The following ARFGAP3 variants were observed in gnomAD, a reference collection of about 807,000 sequenced individuals.
ARFGAP3 encodes the protein ADP-ribosylation factor GTPase-activating protein 3.
ARFGAP3 carries 72 observed loss-of-function variants against 75.0 expected under a neutral mutation model. The ratio of observed to expected loss-of-function variants is 0.96; its 90% confidence interval spans 0.79 to 1.17. The LOEUF (loss-of-function observed/expected upper bound fraction) is 1.17, where lower values mean the gene tolerates loss of function less well. Among genes scored for constraint, ARFGAP3 ranks in the 50% most tolerant of loss-of-function variants. The probability of loss-of-function intolerance (pLI) is 0.00; values close to 1 mark genes in which losing one functional copy is unlikely to be tolerated. For synonymous variants in ARFGAP3, 221 were observed against 217.9 expected, an observed-to-expected ratio of 1.01 and a Z score of -0.13; for missense variants, 620 against 626.6, an observed-to-expected ratio of 0.99 and a Z score of 0.11.
At chr22:42,827,149 T>C in intron 6 of ARFGAP3, 150 bp from the exon 7 acceptor site, 1 of 1,282,642 alleles carries the variant, frequency 7.8e-7, no homozygotes, top group Non-Finnish European at 1.0e-6. Context: ...TATTTTAACG[T>C]TATAAGAATT....
At chr22:42,808,926 T>C in intron 12 of ARFGAP3, 36 bp from the exon 13 acceptor site, 1 of 1,543,402 alleles carries the variant, frequency 6.5e-7, no homozygotes, top group Non-Finnish European at 8.8e-7. Context: ...GTTAAACTAA[T>C]TTGAGGTGAA....
chr22:42,807,875 A>G (rs1016473875), intron 13 of ARFGAP3, among the ~76,000 whole-genome samples: 2 of 150,238 alleles, frequency 1.3e-5, no homozygotes, highest in Admixed American at 6.6e-5. Context: ...CCTCCCAAGT[A>G]GCTGGACTAG....
At chr22:42,838,379 C>G (rs967706378) in intron 3 of ARFGAP3, among the ~76,000 whole-genome samples, 1 of 148,768 alleles carries the variant, frequency 6.7e-6, no homozygotes, top group Non-Finnish European at 1.5e-5. Flanking sequence ...CTCAGTGCAG[C>G]CTTGAACTCC....
chr22:42,837,653 T>C (rs1926582396), intron 3 of ARFGAP3, among the ~76,000 whole-genome samples: 1 of 137,112 alleles, frequency 7.3e-6, no homozygotes, highest in African/African-American at 2.7e-5. Flanking sequence ...AAAAAAAGCC[T>C]TGAAACATCT....
chr22:42,852,449 T>A (rs951610430), intron 1 of ARFGAP3, among the ~76,000 whole-genome samples: 2 of 152,138 alleles, frequency 1.3e-5, no homozygotes, highest in Non-Finnish European at 2.9e-5. Context: ...AACCTCCGCC[T>A]CCTGGGTTCA....
In ARFGAP3 at chr22:42,850,571, C is replaced by CAAA. The variant is rs57841993; in HGVS notation, c.70-2942_70-2940dup. On this transcript the variant is annotated intron_variant, in intron 1 of 15. Coordinates refer to ENST00000263245, the MANE Select transcript of ARFGAP3 (RefSeq NM_014570.5). Reference sequence around the variant, plus strand: ...CTCAGCAACAGTGAGACCCTGCTATCAAAAAAAAAAAAAAAAAAAAAAAAA... The same window carrying CAAA: ...CTCAGCAACAGTGAGACCCTGCTATCAAAAAAAAAAAAAAAAAAAAAAAAAAAA... Among the ~76,000 whole-genome samples, 59 of 57,570 alleles carry CAAA rather than the reference C, an allele frequency of 1.0e-3. 6 individuals are homozygous for CAAA. Among genetic ancestry groups the CAAA allele is most frequent in the Admixed American group, 2.0e-3 (8 of 3,926 alleles). The allele number at this position is 57,570 out of a possible 152,430, so 37.8% of individuals were successfully genotyped here.
chr22:42,806,204 A>G (rs907613034), intron 14 of ARFGAP3, among the ~76,000 whole-genome samples: 2 of 152,094 alleles, frequency 1.3e-5, no homozygotes, highest in Non-Finnish European at 2.9e-5. Context: ...CTGCTGATAA[A>G]TGGCTTCCTG....
chr22:42,847,769 T>C, intron 1 of ARFGAP3, 137 bp from the exon 2 acceptor site: 1 of 1,042,264 alleles, frequency 9.6e-7, no homozygotes, highest in Non-Finnish European at 1.2e-6. Flanking sequence ...TTAGAAAATA[T>C]CTCACCTAGG....
At chr22:42,840,055 C>T (rs574102720) in intron 3 of ARFGAP3, among the ~76,000 whole-genome samples, 3 of 152,228 alleles carry the variant, frequency 2.0e-5, no homozygotes, top group Admixed American at 6.5e-5. Context: ...CTCAGCCTCC[C>T]GAGTAGCTGG....
chr22:42,857,003 C>G, intron 1 of ARFGAP3, 111 bp downstream of exon 1: 1 of 1,193,280 alleles, frequency 8.4e-7, no homozygotes, highest in South Asian at 1.9e-5. Flanking sequence ...TGCGACGTGT[C>G]ACAGGCCGCG....
At chr22:42,817,530 C>A (rs1925631238) in intron 10 of ARFGAP3, among the ~76,000 whole-genome samples, 199 bp downstream of exon 10, 1 of 152,078 alleles carries the variant, frequency 6.6e-6, no homozygotes, top group Admixed American at 6.6e-5. Flanking sequence ...AAGAGCCAGA[C>A]CTTTTTCCTT....
intron 11 of ARFGAP3, among the ~76,000 whole-genome samples, chr22:42,816,376 A>AAATC (rs1925580480): frequency 6.6e-6 from 1 of 152,250 alleles, no homozygotes; most frequent in Non-Finnish European, 1.5e-5. Context: ...GCCAGGATTC[A>AAATC]AATCCATGCC....
At chr22:42,808,362 C>T (rs1047345629) in intron 13 of ARFGAP3, among the ~76,000 whole-genome samples, 2 of 150,106 alleles carry the variant, frequency 1.3e-5, no homozygotes, top group African/African-American at 4.9e-5. Flanking sequence ...CATGCCACTG[C>T]ACTCCAGCCT....
chr22:42,842,359 G>C (rs1926824430), intron 2 of ARFGAP3, among the ~76,000 whole-genome samples: 1 of 141,356 alleles, frequency 7.1e-6, no homozygotes, highest in Non-Finnish European at 1.5e-5. Context: ...TGTTGCCCAA[G>C]ATGGTCTAGA....
intron 9 of ARFGAP3, among the ~76,000 whole-genome samples, chr22:42,820,935 G>A (rs1925785953): frequency 6.6e-6 from 1 of 152,112 alleles, no homozygotes. Flanking sequence ...ATTCTCCCGA[G>A]ACGCCCCTTC....
At chr22:42,819,513 G>A (rs1269731770) in intron 9 of ARFGAP3, among the ~76,000 whole-genome samples, 5 of 152,158 alleles carry the variant, frequency 3.3e-5, no homozygotes, top group Admixed American at 2.0e-4. Flanking sequence ...AGAACACCGC[G>A]TTTCTCAGAA....
chr22:42,800,135 G>A (rs1398311452), intron 14 of ARFGAP3, among the ~76,000 whole-genome samples: 2 of 152,126 alleles, frequency 1.3e-5, no homozygotes, highest in Non-Finnish European at 2.9e-5. Context: ...GTAATAAGAC[G>A]CTGGAGGGGC....
At chr22:42,810,783 T>G (rs768406460) in intron 12 of ARFGAP3, 30 bp downstream of exon 12, 1 of 1,590,316 alleles carries the variant, frequency 6.3e-7, no homozygotes. Flanking sequence ...ATGGATTCAC[T>G]ACTACAACCC....
rs780453701 is a variant in ARFGAP3 at position 42,808,822 on chromosome 22, C to A, written c.1265G>T (p.Gly422Val). Residue 422 changes from glycine (G) to valine (V), a missense_variant, in exon 13 of 16, where the codon GGC becomes GTC. Gly to Val is a moderately radical substitution (Grantham distance 109). Coordinates refer to ENST00000263245, the MANE Select transcript of ARFGAP3 (RefSeq NM_014570.5). The stretch of plus-strand genomic sequence containing the variant: ...ATCTGATGAAATGGCCTTGACATTG[C>A]CAAACTTCTTCTGGGCCTCATCTGT... ...ENTDEAQKKF[G>V]NVKAISSDMY... 1.9e-6 allele frequency: 3 copies of A among 1,613,692 alleles called. No homozygotes were observed. In the South Asian group the frequency reaches 3.3e-5, roughly 18 times the overall value.
Sources: gnomAD v4.1 joint callset for allele counts (sites outside exome capture counted in the v4.1 genomes callset) on GRCh38, gnomAD v4.1.1 for gene constraint, MANE v1.5 for transcripts, NCBI Gene and HGNC (gene_info 2026-07-23, HGNC 2026-07-21) for gene names.